The following SHOC1 variants were observed in gnomAD, a reference collection of about 807,000 sequenced individuals.
SHOC1 encodes the protein protein shortage in chiasmata 1 ortholog.
In SHOC1, 136 loss-of-function variants were observed where a neutral mutation model predicts 179.2. That is an observed-to-expected ratio of 0.76 (90% confidence interval 0.66 to 0.87). The LOEUF is 0.87. SHOC1 is among the 40% of genes least tolerant of loss of function. The pLI is 0.00. For synonymous variants in SHOC1, 489 were observed against 586.6 expected (o/e 0.83, Z 2.41); for missense variants, 1,538 against 1,700.8 (o/e 0.90, Z 1.68).
chr9:111,781,724 GTAAATAAATAAA>G (rs58575917), intron 3 of SHOC1, among the ~76,000 whole-genome samples: 1 of 135,048 alleles, frequency 7.4e-6, no homozygotes, highest in South Asian at 2.4e-4. Context: ...GTGAGACTCT[GTAAATAAATAAA>G]TAAATAAATA....
intron 13 of SHOC1, 62 bp downstream of exon 13, chr9:111,727,571 A>C (rs1418606342): frequency 7.3e-7 from 1 of 1,369,554 alleles, no homozygotes; most frequent in Non-Finnish European, 9.8e-7. Flanking sequence ...CTTCTATAAT[A>C]AATTATGTAC....
At chr9:111,692,634 G>T in intron 26 of SHOC1, 123 bp from the exon 27 acceptor site, 1 of 563,676 alleles carries the variant, frequency 1.8e-6, no homozygotes, top group South Asian at 4.2e-5. Context: ...CATTGATCCA[G>T]GTATTAAGAA....
At chr9:111,787,789 T>C (rs1836311961) in intron 2 of SHOC1, among the ~76,000 whole-genome samples, 1 of 152,210 alleles carries the variant, frequency 6.6e-6, no homozygotes, top group Non-Finnish European at 1.5e-5. Flanking sequence ...CAGCACTGCA[T>C]GCTACAGAGA....
intron 11 of SHOC1, among the ~76,000 whole-genome samples, chr9:111,739,742 G>A (rs1833953408): frequency 1.3e-5 from 2 of 151,910 alleles, no homozygotes; most frequent in Admixed American, 6.6e-5. Context: ...ATTATACTAT[G>A]TAACTGATAA....
chr9:111,741,555 A>G lies in SHOC1; in HGVS notation c.1095T>C (p.Ala365=), dbSNP rs762416570. ...TGTAGTATTCATTAGCTGATTCTTC[A>G]GCAGTAAGCAAATTACTGAAAAAAA... ...SPVCKINLLT[A]EESANEYYMM... is the part of the protein sequence containing the mutation. The change falls in exon 11 of 28, where the codon GCT becomes GCC. Residue 365 remains alanine, a synonymous_variant. Transcript: ENST00000682961. 6.2e-7 allele frequency: 1 copy of G among 1,603,720 alleles called. No individual in the cohort carries two copies. The highest frequency in any genetic ancestry group is 2.2e-5 in the East Asian group (1 of 44,502).
At chr9:111,763,124 AAAT>A (rs1416483919) in intron 5 of SHOC1, among the ~76,000 whole-genome samples, 2 of 152,014 alleles carry the variant, frequency 1.3e-5, no homozygotes, top group African/African-American at 4.8e-5. Flanking sequence ...TTTCTGAAGA[AAAT>A]AAAAAATATA....
In SHOC1 at chr9:111,758,691, G is replaced by C. The variant is rs1049711667; in HGVS notation, c.596+4C>G. 13 of 1,570,946 alleles carry C rather than the reference G, an allele frequency of 8.3e-6. No individual in the cohort carries two copies. In the East Asian group the frequency reaches 2.7e-4, roughly 33 times the overall value. On this transcript the variant is annotated splice_donor_region_variant and intron_variant, in intron 6 of 27. Coordinates refer to ENST00000682961, the MANE Select transcript of SHOC1 (RefSeq NM_001378211.1). The stretch of plus-strand genomic sequence containing the variant: ...TTTACAGCATTGGTCAATTAAGTAA[G>C]TACCTGGAAAAATTAGCTTCTGTGA...
In SHOC1 at chr9:111,705,278, T is replaced by C; in HGVS notation, c.2824A>G (p.Thr942Ala). 1 of 1,577,246 alleles carries C rather than the reference T, an allele frequency of 6.3e-7. No individual in the cohort carries two copies. Among genetic ancestry groups the C allele is most frequent in the Non-Finnish European group, 8.6e-7 (1 of 1,161,668 alleles). ...VFFASEGLLN[T>A]PDILQLLESN... ...TCTAGCAGCTGAAGTATGTCTGGAG[T>C]ATTAAGAAGTCCTTCAGATGCAAAA... is the stretch of plus-strand genomic sequence containing the variant. The change falls in exon 21 of 28, where the codon ACT (threonine) becomes GCT (alanine). Residue 942 changes from threonine to alanine, a missense_variant. Thr to Ala is a moderately conservative substitution (Grantham distance 58, BLOSUM62 0). Coordinates refer to ENST00000682961, the MANE Select transcript of SHOC1 (RefSeq NM_001378211.1).
intron 27 of SHOC1, among the ~76,000 whole-genome samples, chr9:111,691,102 T>A (rs1198759562): frequency 6.6e-6 from 1 of 152,240 alleles, no homozygotes; most frequent in Non-Finnish European, 1.5e-5. Context: ...AGAATGGAGC[T>A]AATAATACTG....
At chr9:111,779,254 T>C (rs1325962923) in intron 4 of SHOC1, among the ~76,000 whole-genome samples, 1 of 152,074 alleles carries the variant, frequency 6.6e-6, no homozygotes, top group Admixed American at 6.6e-5. Flanking sequence ...ATATCCAGAA[T>C]AGGCAAATCA....
At chr9:111,694,147 A>G (rs1403359520) in intron 25 of SHOC1, 84 bp downstream of exon 25, 9 of 1,357,456 alleles carry the variant, frequency 6.6e-6, no homozygotes, top group Admixed American at 2.2e-5. Flanking sequence ...CATTTGGGGG[A>G]AAAATGTTAC....
chr9:111,702,201 T>G lies in SHOC1; in HGVS notation c.2993A>C (p.Lys998Thr). 3 of 1,469,572 alleles carry G rather than the reference T, an allele frequency of 2.0e-6. No individual in the cohort carries two copies. Among genetic ancestry groups the G allele is most frequent in the Non-Finnish European group, 2.8e-6 (3 of 1,052,886 alleles). 91.0% of individuals were successfully genotyped at this position (1,469,572 alleles called of 1,614,324 possible). Residue 998 changes from lysine (K) to threonine (T), a missense_variant, in exon 23 of 28, where the codon AAG (lysine) becomes ACG (threonine). Physicochemically the swap from Lys to Thr is moderately conservative, Grantham distance 78. Coordinates refer to ENST00000682961, the MANE Select transcript of SHOC1 (RefSeq NM_001378211.1). Reference sequence around the variant, plus strand: ...CCTCATAATGATATTGTCTGATGCCTTCTCATAATTCAATTCTTCTAGATC... The same window carrying G: ...CCTCATAATGATATTGTCTGATGCCGTCTCATAATTCAATTCTTCTAGATC... Reference protein sequence around the residue: ...LQDLEELNYEKASDNIIMRLM... With the variant: ...LQDLEELNYETASDNIIMRLM...
intron 3 of SHOC1, among the ~76,000 whole-genome samples, chr9:111,782,661 T>C (rs942033801): frequency 3.9e-5 from 6 of 151,928 alleles, no homozygotes; most frequent in African/African-American, 1.5e-4. Flanking sequence ...CATTGACAGA[T>C]GATAATAGTA....
chr9:111,725,035 T>G (rs1243964562), intron 13 of SHOC1, among the ~76,000 whole-genome samples: 1 of 152,198 alleles, frequency 6.6e-6, no homozygotes, highest in African/African-American at 2.4e-5. Flanking sequence ...TCTAGTTATT[T>G]TAACCATATA....
At chr9:111,766,144 C>T (rs983923153) in intron 5 of SHOC1, among the ~76,000 whole-genome samples, 2 of 152,128 alleles carry the variant, frequency 1.3e-5, no homozygotes, top group African/African-American at 4.8e-5. Flanking sequence ...TGAGTGAGAA[C>T]ATACACTATT....
At chr9:111,690,381 G>A (rs1417703596) in intron 27 of SHOC1, among the ~76,000 whole-genome samples, 2 of 152,152 alleles carry the variant, frequency 1.3e-5, no homozygotes, top group East Asian at 1.9e-4. Flanking sequence ...AACCAATCAT[G>A]CCACTGCACT....
At chr9:111,720,014 G>A (rs1832964598) in intron 15 of SHOC1, among the ~76,000 whole-genome samples, 1 of 152,156 alleles carries the variant, frequency 6.6e-6, no homozygotes, top group African/African-American at 2.4e-5. Context: ...ACACAAAACA[G>A]AATACATGAA....
chr9:111,734,270 T>C (rs1269129994), intron 12 of SHOC1, among the ~76,000 whole-genome samples: 1 of 152,198 alleles, frequency 6.6e-6, no homozygotes. Flanking sequence ...ATATCAAATA[T>C]GAATATGTTT....
chr9:111,765,656 T>G (rs763223592), intron 5 of SHOC1, among the ~76,000 whole-genome samples: 2 of 152,118 alleles, frequency 1.3e-5, no homozygotes, highest in African/African-American at 4.8e-5. Flanking sequence ...CCAAGTTCTT[T>G]CCATCTTTCT....
Sources: gnomAD v4.1 joint callset for allele counts (sites outside exome capture counted in the v4.1 genomes callset) on GRCh38, gnomAD v4.1.1 for gene constraint, MANE v1.5 for transcripts, NCBI Gene and HGNC (gene_info 2026-07-23, HGNC 2026-07-21) for gene names.